CCDC157: variants seen among roughly 807,000 people sequenced by gnomAD.
The protein encoded by CCDC157 is coiled-coil domain containing 157.
In CCDC157, 60 loss-of-function variants were observed where a neutral mutation model predicts 70.9. The ratio of observed to expected loss-of-function variants is 0.85; its 90% CI spans 0.69 to 1.05. CCDC157 has a LOEUF of 1.05. CCDC157 is among the 50% of genes least tolerant of loss of function. CCDC157 has a pLI of 0.00. For missense variants in CCDC157, 943 were observed against 984.2 expected (o/e 0.96, Z 0.56); for synonymous variants, 373 against 422.4 (o/e 0.88, Z 1.43).
intron 9 of CCDC157, 54 bp from the exon 10 acceptor site, chr22:30,375,425 C>T (rs1933279021): frequency 6.3e-7 from 1 of 1,584,624 alleles, no homozygotes; most frequent in Non-Finnish European, 8.6e-7. Context: ...GCCTCCAGGC[C>T]ACCTGCCCAA....
At chr22:30,358,174 A>G (rs1569180143) in intron 1 of CCDC157, among the ~76,000 whole-genome samples, 1 of 152,132 alleles carries the variant, frequency 6.6e-6, no homozygotes, top group Non-Finnish European at 1.5e-5. Flanking sequence ...GAAATGAGGG[A>G]GTGATAGGAA....
chr22:30,373,491 G>A lies in CCDC157; in HGVS notation c.1336-106G>A, dbSNP rs889516712. ...CCTAGACACAGACACACACCCCAGGGGGGTAGCAGCCGAGGGGTAGTAGAT... is the reference window on the plus strand; with the variant it reads ...CCTAGACACAGACACACACCCCAGGAGGGTAGCAGCCGAGGGGTAGTAGAT... On this transcript the variant is annotated intron_variant, in intron 7 of 11. Transcript: ENST00000338306. The A allele has an allele frequency of 2.5e-5, 32 of 1,270,548 alleles. No individual in the cohort carries two copies. The East Asian group carries it at 7.9e-4, about 31-fold the overall frequency. 78.7% of individuals were successfully genotyped at this position (1,270,548 alleles called of 1,614,324 possible). A position where few individuals can be genotyped will look rare whatever the true frequency, so the allele number is the denominator to read the frequency against.
In CCDC157 at chr22:30,370,326, A is replaced by G. The variant is rs746880866; in HGVS notation, c.421A>G (p.Lys141Glu). Reference protein sequence around the residue: ...GTLHQQPLPQKGANQRETPTS... With the variant: ...GTLHQQPLPQEGANQRETPTS... ...TTCCCTTGTCTTTTTCTGAACACAG[A>G]AAGGGGCAAACCAAAGGGAGACTCC... Residue 141 changes from lysine (K) to glutamate (E), a missense_variant and splice_region_variant, in exon 5 of 12, where the codon AAA becomes GAA. Coordinates refer to ENST00000338306, the MANE Select transcript of CCDC157 (RefSeq NM_001017437.5). 1.9e-6 allele frequency: 3 copies of G among 1,612,912 alleles called. No individual in the cohort carries two copies. The South Asian group carries it at 3.3e-5, about 18-fold the overall frequency.
chr22:30,375,349 G>T, intron 9 of CCDC157, 130 bp from the exon 10 acceptor site: 1 of 789,102 alleles, frequency 1.3e-6, no homozygotes, highest in Non-Finnish European at 2.1e-6. Context: ...GACAGGGAAG[G>T]GGGAATAAGG....
Position 30,378,128 on chromosome 22 carries a change from T to C in CCDC157, c.*1383T>C, listed in dbSNP as rs961812020. 6 of 471,004 alleles carry C rather than the reference T, an allele frequency of 1.3e-5. No individual in the cohort carries two copies. Among genetic ancestry groups the C allele is most frequent in the African/African-American group, 1.0e-4 (5 of 50,096 alleles). The allele number at this position is 471,004 out of a possible 1,614,324, so 29.2% of individuals were successfully genotyped here. A position where few individuals can be genotyped will look rare whatever the true frequency, so the allele number is the denominator to read the frequency against. On this transcript the variant is annotated 3_prime_UTR_variant, in exon 12 of 12. Transcript: ENST00000338306. ...TAGAGGCCGTCCACCTTCCTTGCCA[T>C]GGGGCTCCCTCCATCTTCAAGTCAA...
At position 30,365,956 on chromosome 22, in the gene CCDC157, T is replaced by A. The variant is rs1236251248; in HGVS notation, c.-11-34T>A. The A allele has an allele frequency of 2.0e-6, 3 of 1,532,876 alleles. No individual in the cohort carries two copies. The African/African-American group carries it at 4.1e-5, about 21-fold the overall frequency. The allele number at this position is 1,532,876 out of a possible 1,614,324, so 95.0% of individuals were successfully genotyped here. A position where few individuals can be genotyped will look rare whatever the true frequency, so the allele number is the denominator to read the frequency against. On this transcript the variant is annotated intron_variant, in intron 2 of 11. Coordinates refer to ENST00000338306, the MANE Select transcript of CCDC157 (RefSeq NM_001017437.5). ...TTTCCTCCTGCAGCAGCCACGTGGC[T>A]CTGGCTGGCAGGGCTCTTCTCTGCT...
intron 2 of CCDC157, among the ~76,000 whole-genome samples, chr22:30,363,868 G>A (rs1431215042): frequency 1.3e-5 from 2 of 151,962 alleles, no homozygotes; most frequent in African/African-American, 4.8e-5. Flanking sequence ...TTGTATTTTT[G>A]TAGAGATGGG....
intron 2 of CCDC157, among the ~76,000 whole-genome samples, chr22:30,364,114 A>G (rs1932553618): frequency 6.6e-6 from 1 of 152,202 alleles, no homozygotes; most frequent in South Asian, 2.1e-4. Context: ...TGGGCAACAC[A>G]GTGAGATCCC....
rs1309121502 is a variant in CCDC157 at position 30,371,908 on chromosome 22, G to A, written c.1124-167G>A. On this transcript the variant is annotated intron_variant, in intron 6 of 11. Transcript: ENST00000338306. ...CCAAACTGGGTTGCCACCTCCTACC[G>A]AGAAAGCGCCTTCTATTTTCCAAAC... is the stretch of plus-strand genomic sequence containing the variant. The A allele has an allele frequency of 1.6e-5, 12 of 734,542 alleles. No individual in the cohort carries two copies. In the East Asian group the frequency reaches 2.4e-4, roughly 15 times the overall value. 45.5% of individuals were successfully genotyped at this position (734,542 alleles called of 1,614,324 possible). A position where few individuals can be genotyped will look rare whatever the true frequency, so the allele number is the denominator to read the frequency against.
chr22:30,369,773 A>G, intron 4 of CCDC157, 170 bp downstream of exon 4: 1 of 538,642 alleles, frequency 1.9e-6, no homozygotes, highest in Non-Finnish European at 3.1e-6. Context: ...TGTGGCGGTT[A>G]AGAACGCAGG....
Position 30,376,596 on chromosome 22 carries a change from CA to C in CCDC157, c.2111del (p.Gln704ArgfsTer10), listed in dbSNP as rs1450316906. On this transcript the variant is annotated frameshift_variant, in exon 12 of 12. Transcript: ENST00000338306. LOFTEE classifies it high-confidence loss of function. The part of the protein sequence containing the change: ...CTSPSRQPCS[Q>X]PSKSLLEGVT... Reference sequence around the variant, plus strand: ...ATCCCCATCTCGGCAGCCCTGCAGCCAGCCCAGCAAGTCCTTGCTGGAGGGT... The same window carrying C: ...ATCCCCATCTCGGCAGCCCTGCAGCCGCCCAGCAAGTCCTTGCTGGAGGGT... 1 of 1,612,442 alleles carries C rather than the reference CA, an allele frequency of 6.2e-7. No homozygotes were observed. Among genetic ancestry groups the C allele is most frequent in the Non-Finnish European group, 8.5e-7 (1 of 1,179,710 alleles).
chr22:30,369,764 G>A (rs2145913916), intron 4 of CCDC157, 161 bp downstream of exon 4: 1 of 572,956 alleles, frequency 1.7e-6, no homozygotes, highest in Non-Finnish European at 2.8e-6. Context: ...CCCACACAGT[G>A]TGGCGGTTAA....
Position 30,378,241 on chromosome 22 carries a change from T to TTC in CCDC157, c.*1496_*1497insTC. The TTC allele has an allele frequency of 2.2e-6, 1 of 463,018 alleles. No individual in the cohort carries two copies. 28.7% of individuals were successfully genotyped at this position (463,018 alleles called of 1,614,324 possible). ...TCTACCAGCAGAAAACTACTTTGAA[T>TTC]AGGCTCATGTGGTTAGGGCAAGGCT... is the stretch of plus-strand genomic sequence containing the variant. On this transcript the variant is annotated 3_prime_UTR_variant, in exon 12 of 12. Transcript: ENST00000338306.
In CCDC157 at chr22:30,376,134, G is replaced by A. The variant is rs1933338434; in HGVS notation, c.1858-125G>A. The A allele has an allele frequency of 1.2e-5, 10 of 809,520 alleles. No individual in the cohort carries two copies. The South Asian group carries it at 1.7e-4, about 14-fold the overall frequency. The allele number at this position is 809,520 out of a possible 1,614,324, so 50.1% of individuals were successfully genotyped here. A position where few individuals can be genotyped will look rare whatever the true frequency, so the allele number is the denominator to read the frequency against. On this transcript the variant is annotated intron_variant, in intron 10 of 11. Coordinates refer to ENST00000338306, the MANE Select transcript of CCDC157 (RefSeq NM_001017437.5). ...AAGGCTTCCTAGGCCCTGCCCCTAG[G>A]TGAAAGGGCCCATGGATATGCGCCC... is the stretch of plus-strand genomic sequence containing the variant.
chr22:30,375,791 G>T, intron 10 of CCDC157, 128 bp downstream of exon 10: 1 of 813,848 alleles, frequency 1.2e-6, no homozygotes, highest in Non-Finnish European at 1.9e-6. Flanking sequence ...CTGTGCTTTT[G>T]TGAAACATTT....
chr22:30,374,772 C>T (rs1286523534), intron 9 of CCDC157: 2 of 455,294 alleles, frequency 4.4e-6, no homozygotes, highest in South Asian at 1.5e-5. Context: ...TTCTCCCGGG[C>T]TCCTGGAGCC....
intron 3 of CCDC157, among the ~76,000 whole-genome samples, chr22:30,368,006 G>A (rs960638682): frequency 2.6e-5 from 4 of 151,422 alleles, no homozygotes; most frequent in Non-Finnish European, 5.9e-5. Flanking sequence ...AGCTGAGATC[G>A]TGCCATTGCA....
chr22:30,369,130 A>C, intron 3 of CCDC157: 1 of 243,562 alleles, frequency 4.1e-6, no homozygotes, highest in Non-Finnish European at 7.8e-6. Flanking sequence ...GACTCAGGAT[A>C]CAACTGAGGC....
rs1042879205 is a variant in CCDC157 at position 30,378,315 on chromosome 22, A to G, written c.*1570A>G. On this transcript the variant is annotated 3_prime_UTR_variant, in exon 12 of 12. Transcript: ENST00000338306. ...TTCAGGTCAGCTTGCTATAAGACAG[A>G]ACCCAACCATGGGCATAAAATCCCT... is the stretch of plus-strand genomic sequence containing the variant. The G allele has an allele frequency of 3.0e-6, 1 of 333,924 alleles. No individual in the cohort carries two copies. The highest frequency in any genetic ancestry group is 6.2e-6 in the Non-Finnish European group (1 of 161,560). 20.7% of individuals were successfully genotyped at this position (333,924 alleles called of 1,614,324 possible).
Sources: gnomAD v4.1 joint callset for allele counts (sites outside exome capture counted in the v4.1 genomes callset) on GRCh38, gnomAD v4.1.1 for gene constraint, MANE v1.5 for transcripts, NCBI Gene and HGNC (gene_info 2026-07-23, HGNC 2026-07-21) for gene names.